FLVCR2: variants seen among roughly 807,000 people sequenced by gnomAD.
FLVCR2 encodes the protein choline/ethanolamine transporter FLVCR2.
In FLVCR2, 38 loss-of-function variants were observed where a neutral mutation model predicts 48.9. That is an observed-to-expected ratio of 0.78 (90% CI 0.60 to 1.02). The LOEUF is 1.02. Among genes scored for constraint, FLVCR2 ranks in the 50% least tolerant of loss-of-function variants. The pLI is 0.00. For missense variants in FLVCR2, 664 were observed against 663.3 expected (o/e 1.00, Z -0.01); for synonymous variants, 255 against 257.0 (o/e 0.99, Z 0.07).
chr14:75,638,454 A>G (rs1394627483), intron 5 of FLVCR2, among the ~76,000 whole-genome samples: 3 of 151,866 alleles, frequency 2.0e-5, no homozygotes, highest in African/African-American at 7.3e-5. Flanking sequence ...AGGACAAAAG[A>G]AAAAAAAGAA....
Position 75,633,685 on chromosome 14 carries a change from T to A in FLVCR2, c.1009T>A (p.Trp337Arg), listed in dbSNP as rs1555377297. The A allele has an allele frequency of 3.7e-6, 6 of 1,613,424 alleles. No individual in the cohort carries two copies. The highest frequency in any genetic ancestry group is 1.6e-4 in the Middle Eastern group (1 of 6,084). The change falls in exon 4 of 10, where the codon TGG (tryptophan) becomes AGG (arginine). Residue 337 changes from tryptophan (W) to arginine (R), a missense_variant. By Grantham distance (101) the Trp-to-Arg change is moderately radical. Coordinates refer to ENST00000238667, the MANE Select transcript of FLVCR2 (RefSeq NM_017791.3). Reference sequence around the variant, plus strand: ...CACTCTTCTGAATCGCATGGTGATCTGGCACTACCCGGTAAGGGAGTTCCC... The same window carrying A: ...CACTCTTCTGAATCGCATGGTGATCAGGCACTACCCGGTAAGGGAGTTCCC... The part of the protein sequence containing the change: ...LSTLLNRMVI[W>R]HYPGEEVNAG...
chr14:75,624,635 C>A lies in FLVCR2; in HGVS notation c.835C>A (p.Pro279Thr). The A allele has an allele frequency of 1.2e-6, 2 of 1,614,022 alleles. No individual in the cohort carries two copies. The highest frequency in any genetic ancestry group is 1.1e-5 in the South Asian group (1 of 91,070). The change falls in exon 3 of 10, where the codon CCC (proline) becomes ACC (threonine). Residue 279 changes from proline to threonine, a missense_variant. Transcript: ENST00000238667. ...AGTGTTCAAGGAGAAACCTAAATAT[C>A]CCCCCAGCAGGGCCCAATCCCTGAG... Reference protein sequence around the residue: ...IIVFKEKPKYPPSRAQSLSYA... With the variant: ...IIVFKEKPKYTPSRAQSLSYA...
intron 1 of FLVCR2, among the ~76,000 whole-genome samples, chr14:75,606,586 C>T (rs1400632592): frequency 6.6e-6 from 1 of 152,196 alleles, no homozygotes; most frequent in Non-Finnish European, 1.5e-5. Context: ...TCTTGATTTC[C>T]TTCCTCAGAG....
intron 3 of FLVCR2, among the ~76,000 whole-genome samples, chr14:75,631,375 T>C (rs904979999): frequency 6.6e-6 from 1 of 152,186 alleles, no homozygotes; most frequent in Admixed American, 6.5e-5. Flanking sequence ...GCAGTAGGTC[T>C]GGGGTGGAAC....
intron 1 of FLVCR2, among the ~76,000 whole-genome samples, chr14:75,608,450 G>A (rs1226938594): frequency 6.6e-6 from 1 of 152,202 alleles, no homozygotes; most frequent in Non-Finnish European, 1.5e-5. Context: ...CAACGTTTGA[G>A]TCTATATGTG....
chr14:75,640,405 T>TTGTG (rs10562124), intron 6 of FLVCR2, among the ~76,000 whole-genome samples: 1,719 of 148,476 alleles, frequency 0.012, 19 homozygotes, highest in African/African-American at 0.033. Context: ...ATATGAGTGT[T>TTGTG]TGTGTGTGTG....
intron 1 of FLVCR2, among the ~76,000 whole-genome samples, chr14:75,596,546 C>A (rs1231808126): frequency 6.6e-6 from 1 of 152,018 alleles, no homozygotes; most frequent in Non-Finnish European, 1.5e-5. Context: ...GTCAGATCTG[C>A]ATTTTTTTCC....
chr14:75,640,702 A>C, intron 6 of FLVCR2: 1 of 533,840 alleles, frequency 1.9e-6, no homozygotes, highest in Non-Finnish European at 3.4e-6. Context: ...CACTGATGGC[A>C]AGATGGAGAA....
chr14:75,617,805 A>T (rs1889653584), intron 1 of FLVCR2, among the ~76,000 whole-genome samples: 1 of 152,256 alleles, frequency 6.6e-6, no homozygotes, highest in African/African-American at 2.4e-5. Context: ...TTAAATGATC[A>T]TACAAATATA....
intron 1 of FLVCR2, among the ~76,000 whole-genome samples, chr14:75,581,476 A>C (rs2140000892): frequency 6.6e-6 from 1 of 152,286 alleles, no homozygotes; most frequent in East Asian, 1.9e-4. Flanking sequence ...AGGGGTATGA[A>C]GGTTTTACTG....
intron 1 of FLVCR2, among the ~76,000 whole-genome samples, chr14:75,588,818 G>A (rs1315919193): frequency 3.9e-5 from 6 of 152,166 alleles, no homozygotes; most frequent in African/African-American, 1.4e-4. Context: ...TCAAACCATA[G>A]TATTCTCTCC....
At position 75,579,287 on chromosome 14, in the gene FLVCR2, C is replaced by T. The variant is rs746197249; in HGVS notation, c.315C>T (p.Tyr105=). 27 of 1,614,028 alleles carry T rather than the reference C, an allele frequency of 1.7e-5. No homozygotes were observed. The East Asian group carries it at 5.6e-4, about 33-fold the overall frequency. Residue 105 remains tyrosine, a synonymous_variant, in exon 1 of 10, where the codon TAC becomes TAT. Transcript: ENST00000238667. ...SMCNSFQWIQ[Y]GSINNIFMHF... is the part of the protein sequence containing the mutation. ...GCAACTCCTTTCAGTGGATCCAGTA[C>T]GGCTCCATCAATAACATCTTCATGC... is the stretch of plus-strand genomic sequence containing the variant.
At chr14:75,645,644 G>A (rs190691887) in intron 9 of FLVCR2, among the ~76,000 whole-genome samples, 58 of 152,266 alleles carry the variant, frequency 3.8e-4, no homozygotes, top group African/African-American at 6.0e-4. Flanking sequence ...TCAGCTGGGC[G>A]CGGTGGGTCA....
At chr14:75,643,602 G>A (rs550377520) in intron 9 of FLVCR2, among the ~76,000 whole-genome samples, 65 of 152,280 alleles carry the variant, frequency 4.3e-4, no homozygotes, top group Middle Eastern at 3.4e-3. Flanking sequence ...TTGCTATTAC[G>A]TTCTAGAGTT....
At chr14:75,639,601 C>T (rs1029345139) in intron 6 of FLVCR2, 139 bp downstream of exon 6, 1 of 720,842 alleles carries the variant, frequency 1.4e-6, no homozygotes, top group Admixed American at 2.0e-5. Flanking sequence ...GCCCAGGGGT[C>T]TCGGTAATAC....
At position 75,639,359 on chromosome 14, in the gene FLVCR2, A is replaced by G; in HGVS notation, c.1132A>G (p.Thr378Ala). The G allele has an allele frequency of 6.2e-7, 1 of 1,611,300 alleles. No individual in the cohort carries two copies. Among genetic ancestry groups the G allele is most frequent in the East Asian group, 2.2e-5 (1 of 44,858 alleles). The change falls in exon 6 of 10, where the codon ACC becomes GCC. Residue 378 changes from threonine (T) to alanine (A), a missense_variant. Coordinates refer to ENST00000238667, the MANE Select transcript of FLVCR2 (RefSeq NM_017791.3). ...LDRSKTYKET[T>A]LVVYIMTLVG... The stretch of plus-strand genomic sequence containing the variant: ...CTTTGCCTCTACTTGTAGAGAGACA[A>G]CCCTGGTAGTCTATATCATGACACT...
rs746529778 is a variant in FLVCR2 at position 75,641,993 on chromosome 14, G to A, written c.1509+95G>A. 27 of 1,146,918 alleles carry A rather than the reference G, an allele frequency of 2.4e-5. No individual in the cohort carries two copies. In the Admixed American group the frequency reaches 3.2e-4, roughly 14 times the overall value. 71.0% of individuals were successfully genotyped at this position (1,146,918 alleles called of 1,614,324 possible). A position where few individuals can be genotyped will look rare whatever the true frequency, so the allele number is the denominator to read the frequency against. On this transcript the variant is annotated intron_variant, in intron 9 of 9. Coordinates refer to ENST00000238667, the MANE Select transcript of FLVCR2 (RefSeq NM_017791.3). ...GATGGGGCAGGGAGAACTCCCACAGGGACTGGTTTTGTCATAGCTGGGAGA... is the reference window on the plus strand; with the variant it reads ...GATGGGGCAGGGAGAACTCCCACAGAGACTGGTTTTGTCATAGCTGGGAGA...
chr14:75,599,835 G>C (rs1358894207), intron 1 of FLVCR2, among the ~76,000 whole-genome samples: 3 of 152,202 alleles, frequency 2.0e-5, no homozygotes, highest in African/African-American at 7.2e-5. Flanking sequence ...TTCATCAAGG[G>C]TGTCAAGACC....
chr14:75,641,512 T>C (rs1414866106), intron 8 of FLVCR2, among the ~76,000 whole-genome samples: 1 of 152,208 alleles, frequency 6.6e-6, no homozygotes, highest in Non-Finnish European at 1.5e-5. Context: ...ATGACTTCCA[T>C]AGCTATTGAC....
Sources: gnomAD v4.1 joint callset for allele counts (sites outside exome capture counted in the v4.1 genomes callset) on GRCh38, gnomAD v4.1.1 for gene constraint, MANE v1.5 for transcripts, NCBI Gene and HGNC (gene_info 2026-07-23, HGNC 2026-07-21) for gene names.